KIF18A: variants seen among roughly 807,000 people sequenced by gnomAD.
KIF18A encodes the protein kinesin-like protein KIF18A.
In KIF18A, 67 loss-of-function variants were observed where a neutral mutation model predicts 103.3. The observed-to-expected ratio is 0.65, with a 90% confidence interval of 0.53 to 0.79. The LOEUF (loss-of-function observed/expected upper bound fraction) is 0.79, where lower values mean the gene tolerates loss of function less well. KIF18A is among the 30% of genes least tolerant of loss of function. The pLI is 0.00. For missense variants in KIF18A, 1,032 were observed against 1,062.5 expected (o/e 0.97, Z 0.40); for synonymous variants, 367 against 355.5 (o/e 1.03, Z -0.36).
In KIF18A at chr11:28,020,998, C is replaced by T. The variant is rs1032678709; in HGVS notation, c.*202G>A. 1 of 400,290 alleles carries T rather than the reference C, an allele frequency of 2.5e-6. No homozygotes were observed. Among genetic ancestry groups the T allele is most frequent in the Admixed American group, 5.3e-5 (1 of 18,988 alleles). The allele number at this position is 400,290 out of a possible 1,614,324, so 24.8% of individuals were successfully genotyped here. A position where few individuals can be genotyped will look rare whatever the true frequency, so the allele number is the denominator to read the frequency against. On this transcript the variant is annotated 3_prime_UTR_variant, in exon 17 of 17. Transcript: ENST00000263181. ...ATATTTAAAAAACTTAAAAGACAAC[C>T]TTTTCTTTTGAAATTTTATTTTTTT...
chr11:28,104,753 A>G (rs917210471), intron 1 of KIF18A, among the ~76,000 whole-genome samples: 4 of 152,210 alleles, frequency 2.6e-5, no homozygotes, highest in Non-Finnish European at 5.9e-5. Context: ...CTTGTCAAAT[A>G]TTTAGGACCC....
intron 1 of KIF18A, among the ~76,000 whole-genome samples, chr11:28,102,018 A>G (rs1004051921): frequency 6.6e-6 from 1 of 152,168 alleles, no homozygotes; most frequent in Non-Finnish European, 1.5e-5. Context: ...CAAAGAAAAA[A>G]TATTTAACAC....
At chr11:28,107,539 C>T (rs1231793222) in intron 1 of KIF18A, among the ~76,000 whole-genome samples, 1 of 152,168 alleles carries the variant, frequency 6.6e-6, no homozygotes, top group African/African-American at 2.4e-5. Context: ...GCTTTTATCT[C>T]GATGCTACCT....
intron 13 of KIF18A, among the ~76,000 whole-genome samples, chr11:28,051,052 G>A (rs924584815): frequency 3.3e-5 from 5 of 151,572 alleles, no homozygotes; most frequent in Non-Finnish European, 7.4e-5. Context: ...AAACACTTAC[G>A]AAGAAAACTC....
chr11:28,093,428 C>T (rs187699372), intron 3 of KIF18A, among the ~76,000 whole-genome samples: 1 of 152,148 alleles, frequency 6.6e-6, no homozygotes, highest in East Asian at 1.9e-4. Context: ...TTTATGGCAC[C>T]AGAAATAAAT....
intron 1 of KIF18A, among the ~76,000 whole-genome samples, chr11:28,106,286 A>G (rs1489162243): frequency 6.6e-6 from 1 of 152,230 alleles, no homozygotes; most frequent in South Asian, 2.1e-4. Context: ...ACAATGATAC[A>G]GAAGTAGAGT....
At chr11:28,086,651 T>A (rs1851232793) in intron 6 of KIF18A, among the ~76,000 whole-genome samples, 1 of 152,098 alleles carries the variant, frequency 6.6e-6, no homozygotes, top group African/African-American at 2.4e-5. Flanking sequence ...CAGAAATAGG[T>A]CCTAGTTCCC....
chr11:28,054,743 G>A (rs1351064496), intron 13 of KIF18A, among the ~76,000 whole-genome samples: 2 of 151,936 alleles, frequency 1.3e-5, no homozygotes, highest in African/African-American at 2.4e-5. Context: ...GTAAAGTAAC[G>A]AACCAAGAAC....
At chr11:28,028,972 A>G (rs1850359336) in intron 15 of KIF18A, among the ~76,000 whole-genome samples, 1 of 152,174 alleles carries the variant, frequency 6.6e-6, no homozygotes, top group African/African-American at 2.4e-5. Context: ...TCCCAAGACT[A>G]AACCAGGACG....
At chr11:28,053,491 T>A (rs564861798) in intron 13 of KIF18A, among the ~76,000 whole-genome samples, 104 of 152,170 alleles carry the variant, frequency 6.8e-4, no homozygotes, top group Admixed American at 3.6e-3. Flanking sequence ...AATCTTTTTT[T>A]AATTTTATTA....
rs542293123 is a variant in KIF18A at position 28,042,138 on chromosome 11, G to A, written c.1949-5474C>T. Among the ~76,000 whole-genome samples the A allele has an allele frequency of 3.8e-3, 575 of 151,908 alleles. 19 individuals are homozygous for A. Among genetic ancestry groups the A allele is most frequent in the Non-Finnish European group, 4.1e-4 (28 of 67,874 alleles). ...CTGTGATTTCTTATTCAGAGACGAT[G>A]AGTGTTATTATTATGCTGAGGTAGG... On this transcript the variant is annotated intron_variant, in intron 13 of 16. Transcript: ENST00000263181.
chr11:28,081,267 C>T lies in KIF18A; in HGVS notation c.1262+1589G>A, dbSNP rs968017244. On this transcript the variant is annotated intron_variant, in intron 9 of 16. Transcript: ENST00000263181. ...CTAAACAACAGATTTTCAAGATAGA[C>T]AAATCAGCTTTTAATTGGAACAATA... 9.2e-5 allele frequency among the ~76,000 whole-genome samples: 14 copies of T among 152,126 alleles called. 1 individual carries two copies. Among genetic ancestry groups the T allele is most frequent in the Non-Finnish European group, 1.9e-4 (13 of 68,006 alleles).
chr11:28,094,260 T>C (rs1266440014), intron 3 of KIF18A, among the ~76,000 whole-genome samples: 2 of 152,210 alleles, frequency 1.3e-5, no homozygotes, highest in Non-Finnish European at 2.9e-5. Flanking sequence ...ATTGTATCAT[T>C]GCTAATTTCC....
Position 28,104,324 on chromosome 11 carries a change from C to A in KIF18A, c.-47+3740G>T, listed in dbSNP as rs1028775327. ...CCTATAAATTCCACATATGGCCCTG[C>A]CTACCTCTCTGACAATGACTTCTAC... On this transcript the variant is annotated intron_variant, in intron 1 of 16. Transcript: ENST00000263181. Among the ~76,000 whole-genome samples, 7 of 152,284 alleles carry A rather than the reference C, an allele frequency of 4.6e-5. 1 individual carries two copies. The highest frequency in any genetic ancestry group is 4.6e-4 in the Admixed American group (7 of 15,292).
intron 15 of KIF18A, among the ~76,000 whole-genome samples, chr11:28,034,447 C>T (rs1331486366): frequency 6.6e-6 from 1 of 151,628 alleles, no homozygotes; most frequent in Non-Finnish European, 1.5e-5. Flanking sequence ...AGTGAAACAC[C>T]CTTCAGGGAT....
At chr11:28,085,997 T>G (rs1851223701) in intron 6 of KIF18A, among the ~76,000 whole-genome samples, 1 of 152,192 alleles carries the variant, frequency 6.6e-6, no homozygotes, top group Non-Finnish European at 1.5e-5. Context: ...TGAGTAAGTA[T>G]GAACTTTAGT....
At chr11:28,080,129 G>A (rs1851146041) in intron 9 of KIF18A, among the ~76,000 whole-genome samples, 1 of 152,000 alleles carries the variant, frequency 6.6e-6, no homozygotes, top group South Asian at 2.1e-4. Context: ...AGAACAATAT[G>A]AGCGCCACTA....
At chr11:28,107,108 A>C (rs1462453004) in intron 1 of KIF18A, among the ~76,000 whole-genome samples, 1 of 152,232 alleles carries the variant, frequency 6.6e-6, no homozygotes, top group Non-Finnish European at 1.5e-5. Flanking sequence ...CTATGAACTT[A>C]ATAAGAAGCA....
At chr11:28,058,489 GA>G (rs34177202) in intron 13 of KIF18A, among the ~76,000 whole-genome samples, 107 of 54,246 alleles carry the variant, frequency 2.0e-3, no homozygotes, top group African/African-American at 5.0e-3. Context: ...GTTTCTACAG[GA>G]AAAAAAAAAA....
Sources: gnomAD v4.1 joint callset for allele counts (sites outside exome capture counted in the v4.1 genomes callset) on GRCh38, gnomAD v4.1.1 for gene constraint, MANE v1.5 for transcripts, NCBI Gene and HGNC (gene_info 2026-07-23, HGNC 2026-07-21) for gene names.